Variants in ENTREP1 observed in about 807,000 individuals in gnomAD.
ENTREP1 encodes endosomal transmembrane epsin interactor 1.
the ENTREP1 span, chr9:69,385,731 C>T: frequency 3.5e-6 from 5 of 1,440,608 alleles, no homozygotes; most frequent in Non-Finnish European, 4.5e-6. Context: ...ATTTTGAGGA[C>T]TGCAGCTGGT....
At chr9:69,355,930 A>G in the ENTREP1 span, among the ~76,000 whole-genome samples, 1 of 152,092 alleles carries the variant, frequency 6.6e-6, no homozygotes, top group East Asian at 1.9e-4. Context: ...GTGGTGTGCA[A>G]TTTTTTGTTG....
chr9:69,371,639 C>A, the ENTREP1 span: 1 of 1,395,908 alleles, frequency 7.2e-7, no homozygotes, highest in Non-Finnish European at 1.0e-6. Flanking sequence ...CACTGTGCAT[C>A]TAGGCAGACC....
chr9:69,382,840 T>A, the ENTREP1 span: 1 of 193,406 alleles, frequency 5.2e-6, no homozygotes, highest in Non-Finnish European at 9.5e-6. Context: ...AATCCTTTTT[T>A]TGTATTTCAA....
the ENTREP1 span, among the ~76,000 whole-genome samples, chr9:69,340,490 C>A: frequency 1.2e-4 from 19 of 152,144 alleles, no homozygotes; most frequent in African/African-American, 4.3e-4. Context: ...CTTATACTAA[C>A]ATACTCATGT....
At chr9:69,369,401 T>C in the ENTREP1 span, among the ~76,000 whole-genome samples, 5 of 152,188 alleles carry the variant, frequency 3.3e-5, no homozygotes, top group Non-Finnish European at 2.9e-5. Flanking sequence ...CCTTGAGGAA[T>C]CACCACACTG....
At chr9:69,383,393 T>C in the ENTREP1 span, 1 of 1,309,304 alleles carries the variant, frequency 7.6e-7, no homozygotes, top group Non-Finnish European at 9.8e-7. Flanking sequence ...TTTTGACTGA[T>C]GGGTTTAAAA....
the ENTREP1 span, chr9:69,371,522 T>C: frequency 1.9e-6 from 3 of 1,613,764 alleles, no homozygotes; most frequent in Non-Finnish European, 2.5e-6. Flanking sequence ...TGCTGCTCTC[T>C]GTGGTTTGTG....
the ENTREP1 span, among the ~76,000 whole-genome samples, chr9:69,331,247 G>A: frequency 0.6 from 90,842 of 152,038 alleles, 28,061 homozygotes; most frequent in South Asian, 0.68. Context: ...ACATACAGCA[G>A]CTTTTGATAA....
the ENTREP1 span, chr9:69,329,845 C>G: frequency 5.9e-6 from 1 of 169,574 alleles, no homozygotes; most frequent in African/African-American, 3.1e-5. Context: ...TTAATGTTAA[C>G]TAGATTCCAC....
At chr9:69,381,344 T>C in the ENTREP1 span, 11 of 152,220 alleles carry the variant, frequency 7.2e-5, no homozygotes, top group Admixed American at 6.5e-4. Context: ...AGAAGCTTTC[T>C]GAAAAGAAGC....
At chr9:69,336,378 A>T in the ENTREP1 span, 2 of 659,430 alleles carry the variant, frequency 3.0e-6, no homozygotes, top group Non-Finnish European at 5.3e-6. Context: ...CATTAAAAAA[A>T]TAAGTTAACA....
the ENTREP1 span, among the ~76,000 whole-genome samples, chr9:69,364,592 A>C: frequency 6.6e-6 from 1 of 152,118 alleles, no homozygotes; most frequent in Non-Finnish European, 1.5e-5. Flanking sequence ...ATAACCAGGT[A>C]AAAGCTAGAG....
chr9:69,340,725 GTGTGTGTGTA>G, the ENTREP1 span, among the ~76,000 whole-genome samples: 5 of 71,734 alleles, frequency 7.0e-5, no homozygotes, highest in Admixed American at 7.4e-4. Context: ...GTGCATGCAT[GTGTGTGTGTA>G]TGTGTGTGTG....
the ENTREP1 span, chr9:69,380,719 A>G: frequency 6.6e-6 from 1 of 152,242 alleles, no homozygotes; most frequent in Non-Finnish European, 1.5e-5. Flanking sequence ...CCAGGGATCA[A>G]GGAGTCTCCA....
chr9:69,369,784 T>TGAC, the ENTREP1 span, among the ~76,000 whole-genome samples: 2 of 152,164 alleles, frequency 1.3e-5, no homozygotes, highest in Non-Finnish European at 2.9e-5. Context: ...TTTGCACTTG[T>TGAC]GACAACTAAT....
chr9:69,385,857 C>T, the ENTREP1 span: 1 of 1,609,836 alleles, frequency 6.2e-7, no homozygotes, highest in Non-Finnish European at 8.5e-7. Flanking sequence ...CAGTTCAACC[C>T]TGGTGCGTCC....
chr9:69,361,681 G>A, the ENTREP1 span, among the ~76,000 whole-genome samples: 2 of 152,254 alleles, frequency 1.3e-5, no homozygotes, highest in Non-Finnish European at 2.9e-5. Context: ...ATTTTCCATT[G>A]TGGTTGTACC....
chr9:69,362,225 G>T, the ENTREP1 span, among the ~76,000 whole-genome samples: 4 of 152,132 alleles, frequency 2.6e-5, no homozygotes, highest in African/African-American at 9.7e-5. Flanking sequence ...CCTATTTAAA[G>T]AATGAAATCT....
the ENTREP1 span, among the ~76,000 whole-genome samples, chr9:69,384,642 A>G: frequency 6.6e-6 from 1 of 152,210 alleles, no homozygotes; most frequent in Non-Finnish European, 1.5e-5. Flanking sequence ...GTCAGTTTAC[A>G]TTTATCCTTG....
Sources: allele counts gnomAD v4.1 joint callset (sites outside exome capture counted in the v4.1 genomes callset), GRCh38; gene constraint gnomAD v4.1.1; transcripts MANE v1.5; gene names NCBI Gene and HGNC (gene_info 2026-07-23, HGNC 2026-07-21).